The following TVP23A variants were observed in gnomAD, a reference collection of about 807,000 sequenced individuals.
TVP23A encodes the protein Golgi apparatus membrane protein TVP23 homolog A.
In TVP23A, 21 loss-of-function variants were observed where a neutral mutation model predicts 31.7. That is an observed-to-expected ratio of 0.66 (90% confidence interval 0.47 to 0.95). TVP23A has a LOEUF of 0.95. TVP23A is among the 40% of genes least tolerant of loss of function. The probability of loss-of-function intolerance (pLI) is 0.00; values close to 1 mark genes in which losing one functional copy is unlikely to be tolerated. For synonymous variants in TVP23A, 104 were observed against 96.0 expected (o/e 1.08, Z -0.49); for missense variants, 279 against 255.6 (o/e 1.09, Z -0.62).
intron 2 of TVP23A, among the ~76,000 whole-genome samples, chr16:10,790,811 T>C (rs1036061843): frequency 6.6e-6 from 1 of 152,218 alleles, no homozygotes; most frequent in Non-Finnish European, 1.5e-5. Flanking sequence ...TTCAATTTCT[T>C]TCAGGGCCTG....
chr16:10,766,490 T>C (rs1372486070), downstream of TVP23A, among the ~76,000 whole-genome samples: 2 of 152,068 alleles, frequency 1.3e-5, no homozygotes, highest in Non-Finnish European at 2.9e-5. The surrounding 1 kb of genome is among the most constrained non-coding windows in gnomAD (Gnocchi z 4.8). Context: ...TGGGTGAAAG[T>C]CAGGGACAGA....
chr16:10,770,131 T>C (rs2031459514), intron 7 of TVP23A, 141 bp downstream of exon 7: 22 of 1,064,468 alleles, frequency 2.1e-5, no homozygotes, highest in Non-Finnish European at 3.0e-5. Context: ...CATTGCCCAG[T>C]CTGCTTCCTG....
At chr16:10,757,749 GC>G (rs1355949811), downstream of TVP23A, 3 of 1,180,138 alleles carry the variant, frequency 2.5e-6, no homozygotes, top group East Asian at 7.2e-5. The surrounding 1 kb of genome is among the most constrained non-coding windows in gnomAD (Gnocchi z 4.1). Context: ...GATTGCTTGA[GC>G]CTCAGAGTTA....
intron 2 of TVP23A, 126 bp downstream of exon 2, chr16:10,817,977 C>A (rs1046540048): frequency 2.5e-6 from 2 of 813,310 alleles, no homozygotes; most frequent in Non-Finnish European, 4.1e-6. Flanking sequence ...GATGTGTCCA[C>A]AGATATGTCC....
At chr16:10,813,324 G>A (rs1161030311) in intron 2 of TVP23A, among the ~76,000 whole-genome samples, 1 of 152,224 alleles carries the variant, frequency 6.6e-6, no homozygotes, top group Non-Finnish European at 1.5e-5. Flanking sequence ...CAATGTCCCA[G>A]ACTCCTGTGA....
At chr16:10,794,651 T>G (rs1477862999) in intron 2 of TVP23A, among the ~76,000 whole-genome samples, 1 of 152,110 alleles carries the variant, frequency 6.6e-6, no homozygotes, top group Non-Finnish European at 1.5e-5. Flanking sequence ...CAGTTATGTA[T>G]GCAGGTGGTG....
intron 2 of TVP23A, among the ~76,000 whole-genome samples, chr16:10,801,685 A>C (rs970820656): frequency 6.2e-4 from 94 of 152,236 alleles, no homozygotes; most frequent in African/African-American, 2.0e-3. Context: ...CAAACTCCTG[A>C]GCTCAGGCGA....
intron 2 of TVP23A, among the ~76,000 whole-genome samples, chr16:10,787,553 G>A (rs553036970): frequency 2.9e-4 from 44 of 152,226 alleles, no homozygotes; most frequent in African/African-American, 1.1e-3. Context: ...AGGGTTGGGG[G>A]GGCAGCCTTC....
chr16:10,765,298 T>G (rs1325235496), downstream of TVP23A, among the ~76,000 whole-genome samples: 3 of 137,848 alleles, frequency 2.2e-5, no homozygotes, highest in African/African-American at 8.2e-5. This position sits in a 1 kb window ranked among gnomAD's most constrained non-coding sequence, Gnocchi z 4.0. Context: ...TGCTCTAGCC[T>G]GGGTAACACA....
rs948196100 is a variant in TVP23A, at chr16:10,779,127, G to C, written c.90-4031C>G. ...AAAATAAAATGCAGAAAAATTTCCAGTTGTTGATAGCTTCCACTTAGCTGG... is the reference window on the plus strand; with the variant it reads ...AAAATAAAATGCAGAAAAATTTCCACTTGTTGATAGCTTCCACTTAGCTGG... On this transcript the variant is annotated intron_variant, in intron 2 of 7. Coordinates refer to ENST00000299866, the MANE Select transcript of TVP23A (RefSeq NM_001079512.4). This position sits in a 1 kb window ranked among gnomAD's most constrained non-coding sequence, Gnocchi z 4.9. 5.3e-5 allele frequency among the ~76,000 whole-genome samples: 8 copies of C among 152,102 alleles called. No individual in the cohort carries two copies. The highest frequency in any genetic ancestry group is 1.9e-4 in the African/African-American group (8 of 41,404).
intron 2 of TVP23A, among the ~76,000 whole-genome samples, chr16:10,781,344 A>G (rs1374057793): frequency 6.6e-6 from 1 of 151,994 alleles, no homozygotes; most frequent in Non-Finnish European, 1.5e-5. Context: ...AAAAAAAAGA[A>G]AAAAGAAGAG....
chr16:10,815,074 C>T (rs1186562266), intron 2 of TVP23A, among the ~76,000 whole-genome samples: 1 of 152,180 alleles, frequency 6.6e-6, no homozygotes, highest in Non-Finnish European at 1.5e-5. Context: ...GGAGCCCCAG[C>T]TTCTGCCTAT....
chr16:10,768,374 A>C lies in TVP23A; in HGVS notation c.*728T>G, dbSNP rs8054049. The C allele has an allele frequency of 0.25, 44,482 of 178,922 alleles. 5,961 individuals are homozygous for C. Among genetic ancestry groups the C allele is most frequent in the South Asian group, 0.32 (2,580 of 8,096 alleles). 11.1% of individuals were successfully genotyped at this position (178,922 alleles called of 1,614,324 possible). A position where few individuals can be genotyped will look rare whatever the true frequency, so the allele number is the denominator to read the frequency against. ...TCCCAGCACTTTGGGTGAAGGAGGC[A>C]GGCAGATCACTTGAGGCTGGTCAGG... On this transcript the variant is annotated 3_prime_UTR_variant, in exon 8 of 8. Transcript: ENST00000299866. The surrounding 1 kb of genome is among the most constrained non-coding windows in gnomAD (Gnocchi z 4.3).
At chr16:10,773,123 G>GT (rs2031746436) in intron 5 of TVP23A, among the ~76,000 whole-genome samples, 190 bp downstream of exon 5, 1 of 152,238 alleles carries the variant, frequency 6.6e-6, no homozygotes, top group African/African-American at 2.4e-5. Flanking sequence ...GATTATAGGC[G>GT]TAAGCCACCA....
chr16:10,767,744 T>C lies in TVP23A; in HGVS notation c.*1358A>G. 1 of 585,104 alleles carries C rather than the reference T, an allele frequency of 1.7e-6. No homozygotes were observed. Among genetic ancestry groups the C allele is most frequent in the Non-Finnish European group, 3.0e-6 (1 of 328,550 alleles). 36.2% of individuals were successfully genotyped at this position (585,104 alleles called of 1,614,324 possible). ...CATTTTCTGTACACCACCTGATTAT[T>C]TAGCCACGCTGAAATGCTGGCTGGG... is the stretch of plus-strand genomic sequence containing the variant. On this transcript the variant is annotated 3_prime_UTR_variant, in exon 8 of 8. Transcript: ENST00000299866. The surrounding 1 kb of genome is among the most constrained non-coding windows in gnomAD (Gnocchi z 4.6).
chr16:10,759,603 G>A (rs201336290), downstream of TVP23A, among the ~76,000 whole-genome samples: 28 of 152,212 alleles, frequency 1.8e-4, no homozygotes, highest in East Asian at 5.2e-3. This position sits in a 1 kb window ranked among gnomAD's most constrained non-coding sequence, Gnocchi z 4.7. Context: ...GCAAAACCCT[G>A]TCTCTACCAA....
chr16:10,817,108 AG>A (rs1234429987), intron 2 of TVP23A, among the ~76,000 whole-genome samples: 1 of 152,198 alleles, frequency 6.6e-6, no homozygotes, highest in Non-Finnish European at 1.5e-5. Context: ...ATTCTTCCGA[AG>A]GGAGTGTGGC....
At chr16:10,778,357 G>C (rs1157626656) in intron 2 of TVP23A, among the ~76,000 whole-genome samples, 1 of 152,048 alleles carries the variant, frequency 6.6e-6, no homozygotes, top group Non-Finnish European at 1.5e-5. Context: ...GGATCACATA[G>C]AACTTAAAAA....
chr16:10,816,228 C>CAAAAAAAAAAAAAAAAA (rs760801777), intron 2 of TVP23A, among the ~76,000 whole-genome samples: 5 of 73,840 alleles, frequency 6.8e-5, no homozygotes, highest in African/African-American at 1.9e-4. Context: ...AACCCTATCT[C>CAAAAAAAAAAAAAAAAA]AAAAAAAAAA....
Sources: gnomAD v4.1 joint callset for allele counts (sites outside exome capture counted in the v4.1 genomes callset) on GRCh38, gnomAD v4.1.1 for gene constraint, Gnocchi (gnomAD v3.1) non-coding constraint, MANE v1.5 for transcripts, NCBI Gene and HGNC (gene_info 2026-07-23, HGNC 2026-07-21) for gene names.